The following ADGRL2 variants were observed in gnomAD, a reference collection of about 807,000 sequenced individuals.
ADGRL2 encodes adhesion G protein-coupled receptor L2.
In ADGRL2, 44 loss-of-function variants were observed where a neutral mutation model predicts 157.4. That is an observed-to-expected ratio of 0.28 (90% CI 0.22 to 0.36). ADGRL2 has a LOEUF of 0.36. ADGRL2 is among the 10% of genes least tolerant of loss of function. The probability of loss-of-function intolerance (pLI) is 1.00; values close to 1 mark genes in which losing one functional copy is unlikely to be tolerated. For missense variants in ADGRL2, 1,510 were observed against 1,768.9 expected (o/e 0.85, Z 2.63); for synonymous variants, 585 against 624.7 (o/e 0.94, Z 0.95).
At chr1:81,879,378 T>C (rs2093925921) in intron 2 of ADGRL2, among the ~76,000 whole-genome samples, 1 of 152,140 alleles carries the variant, frequency 6.6e-6, no homozygotes, top group South Asian at 2.1e-4. Context: ...TGCCACTGAA[T>C]TGCTGTGTAT....
At chr1:81,938,572 G>T (rs1289562546) in intron 4 of ADGRL2, among the ~76,000 whole-genome samples, 2 of 151,536 alleles carry the variant, frequency 1.3e-5, no homozygotes, top group East Asian at 3.9e-4. Context: ...GTTCCTTTTA[G>T]TTTTTGTCTT....
chr1:81,615,391 G>T (rs553274568), intron 3 of ADGRL2, among the ~76,000 whole-genome samples: 1 of 152,174 alleles, frequency 6.6e-6, no homozygotes, highest in South Asian at 2.1e-4. Flanking sequence ...TTCGCTCTTC[G>T]CAATAAATCT....
intron 2 of ADGRL2, among the ~76,000 whole-genome samples, chr1:81,857,562 A>C (rs2093244566): frequency 6.6e-6 from 1 of 152,142 alleles, no homozygotes; most frequent in Non-Finnish European, 1.5e-5. Context: ...CTCAGTAGAA[A>C]AGCCTTTATC....
At chr1:81,603,966 T>C (rs1231044913) in intron 3 of ADGRL2, among the ~76,000 whole-genome samples, 2 of 35,328 alleles carry the variant, frequency 5.7e-5, no homozygotes, top group Non-Finnish European at 1.5e-4. Context: ...TATCTTTTTC[T>C]TTTTTTTTTT....
chr1:81,762,483 A>G (rs1264369689), intron 2 of ADGRL2, among the ~76,000 whole-genome samples: 1 of 152,164 alleles, frequency 6.6e-6, no homozygotes, highest in Non-Finnish European at 1.5e-5. Flanking sequence ...AAATACTAAA[A>G]ATTAATCTTA....
At chr1:81,431,569 G>A (rs1342224033) in intron 1 of ADGRL2, among the ~76,000 whole-genome samples, 1 of 152,184 alleles carries the variant, frequency 6.6e-6, no homozygotes, top group African/African-American at 2.4e-5. Context: ...TGATGGAACT[G>A]ATTTAAAATG....
intron 2 of ADGRL2, among the ~76,000 whole-genome samples, chr1:81,846,132 T>G (rs2092777560): frequency 6.6e-6 from 1 of 151,916 alleles, no homozygotes; most frequent in Admixed American, 6.6e-5. Flanking sequence ...GAATTAAATT[T>G]TAACCAACAC....
At chr1:81,976,822 C>A (rs140929441) in intron 17 of ADGRL2, among the ~76,000 whole-genome samples, 11 of 151,940 alleles carry the variant, frequency 7.2e-5, no homozygotes, top group African/African-American at 2.4e-4. Flanking sequence ...TCTGGCAAAT[C>A]CGTCAGGCAG....
chr1:81,689,931 G>T (rs72716701), intron 3 of ADGRL2, among the ~76,000 whole-genome samples: 4,329 of 152,208 alleles, frequency 0.028, 73 homozygotes, highest in South Asian at 0.055. Context: ...CTTTGGATGA[G>T]ATCTCTCTCT....
intron 2 of ADGRL2, among the ~76,000 whole-genome samples, chr1:81,905,247 G>T (rs188463808): frequency 6.6e-6 from 1 of 151,770 alleles, no homozygotes; most frequent in African/African-American, 2.4e-5. Flanking sequence ...ACAGGCATGC[G>T]CCACCACACC....
chr1:81,510,701 G>A (rs4650371), intron 2 of ADGRL2, among the ~76,000 whole-genome samples: 27,350 of 152,156 alleles, frequency 0.18, 2,817 homozygotes, highest in African/African-American at 0.27. Flanking sequence ...AGAAAGTTAT[G>A]TAGGGTCCTT....
chr1:81,992,136 A>G lies in ADGRL2; in HGVS notation c.*991A>G, dbSNP rs1664676295. The stretch of plus-strand genomic sequence containing the variant: ...CCTGTTTATTCTTGAACAGAGGGCA[A>G]AGAGGGCACTGGGCACTTCTCACAA... On this transcript the variant is annotated 3_prime_UTR_variant, in exon 24 of 24. Transcript: ENST00000686636. 1 of 152,590 alleles carries G rather than the reference A, an allele frequency of 6.6e-6. No individual in the cohort carries two copies. The highest frequency in any genetic ancestry group is 2.4e-5 in the African/African-American group (1 of 41,448). 9.5% of individuals were successfully genotyped at this position (152,590 alleles called of 1,614,324 possible). A position where few individuals can be genotyped will look rare whatever the true frequency, so the allele number is the denominator to read the frequency against.
intron 1 of ADGRL2, among the ~76,000 whole-genome samples, chr1:81,315,357 C>T (rs2100578562): frequency 6.6e-6 from 1 of 152,050 alleles, no homozygotes; most frequent in African/African-American, 2.4e-5. Flanking sequence ...ATCCAGATTG[C>T]TTTTTTCCCA....
At chr1:81,974,059 C>T (rs993163872) in intron 17 of ADGRL2, among the ~76,000 whole-genome samples, 5 of 152,090 alleles carry the variant, frequency 3.3e-5, no homozygotes, top group African/African-American at 1.2e-4. Flanking sequence ...CCCATAACAA[C>T]AATTACCTAT....
intron 1 of ADGRL2, among the ~76,000 whole-genome samples, chr1:81,753,378 C>T (rs2085555343): frequency 6.6e-6 from 1 of 152,112 alleles, no homozygotes; most frequent in Admixed American, 6.5e-5. Flanking sequence ...ACGGGAAATA[C>T]CCGCCCCCAT....
chr1:81,808,863 C>A (rs1407615845), intron 1 of ADGRL2, among the ~76,000 whole-genome samples: 1 of 152,038 alleles, frequency 6.6e-6, no homozygotes, highest in South Asian at 2.1e-4. Flanking sequence ...AGTGCAGGAA[C>A]AAGCACAACC....
At chr1:81,567,329 G>T (rs1394793002) in intron 2 of ADGRL2, among the ~76,000 whole-genome samples, 1 of 152,010 alleles carries the variant, frequency 6.6e-6, no homozygotes, top group Non-Finnish European at 1.5e-5. Context: ...ACATACAGCT[G>T]GTGGCTACAG....
At chr1:81,489,623 T>A (rs751462225) in intron 2 of ADGRL2, among the ~76,000 whole-genome samples, 3 of 152,086 alleles carry the variant, frequency 2.0e-5, no homozygotes, top group African/African-American at 4.8e-5. Flanking sequence ...AAGCTCAAAC[T>A]CCAAGTAAGA....
intron 2 of ADGRL2, among the ~76,000 whole-genome samples, chr1:81,468,388 TCAAAG>T (rs2078103778): frequency 6.6e-6 from 1 of 152,150 alleles, no homozygotes; most frequent in African/African-American, 2.4e-5. Context: ...CTGTTTGGCC[TCAAAG>T]CAAAGGCAGA....
Sources: allele counts gnomAD v4.1 joint callset (sites outside exome capture counted in the v4.1 genomes callset), GRCh38; gene constraint gnomAD v4.1.1; transcripts MANE v1.5; gene names NCBI Gene and HGNC (gene_info 2026-07-23, HGNC 2026-07-21).